Variants in GLRB observed in about 807,000 individuals in gnomAD.
The protein encoded by GLRB is glycine receptor beta.
In GLRB, 33 loss-of-function variants were observed where a neutral mutation model predicts 54.2. That is an observed-to-expected ratio of 0.61 (90% confidence interval 0.46 to 0.81). GLRB has a LOEUF of 0.81. Among genes scored for constraint, GLRB ranks in the 40% least tolerant of loss-of-function variants. The pLI is 0.00. For missense variants in GLRB, 572 were observed against 584.6 expected, an observed-to-expected ratio of 0.98 and a Z score of 0.22; for synonymous variants, 209 against 208.2, an observed-to-expected ratio of 1.00 and a Z score of -0.03.
In GLRB at chr4:157,136,462, TC is replaced by T. The variant is rs774738353; in HGVS notation, c.298-6del. On this transcript the variant is annotated splice_region_variant and splice_polypyrimidine_tract_variant and intron_variant, in intron 4 of 9. Coordinates refer to ENST00000264428, the MANE Select transcript of GLRB (RefSeq NM_000824.5). Reference sequence around the variant, plus strand: ...TACACATGTGCACGCATGTACTTTTTCTTCAGGACTATAGAGTTAACATCTT... The same window carrying T: ...TACACATGTGCACGCATGTACTTTTTTTCAGGACTATAGAGTTAACATCTT... 6.6e-5 allele frequency: 99 copies of T among 1,502,740 alleles called. No individual in the cohort carries two copies. The highest frequency in any genetic ancestry group is 8.7e-5 in the Non-Finnish European group (94 of 1,078,698). 93.1% of individuals were successfully genotyped at this position (1,502,740 alleles called of 1,614,324 possible).
intron 2 of GLRB, among the ~76,000 whole-genome samples, chr4:157,115,995 A>G (rs146646000): frequency 6.6e-6 from 1 of 151,836 alleles, no homozygotes; most frequent in East Asian, 2.0e-4. Flanking sequence ...AATACAATAT[A>G]CTCATCCACA....
At chr4:157,106,307 T>C (rs1055904374) in intron 2 of GLRB, among the ~76,000 whole-genome samples, 3 of 152,194 alleles carry the variant, frequency 2.0e-5, no homozygotes, top group African/African-American at 7.2e-5. Flanking sequence ...AAGTGGCTTT[T>C]AGCCTGATGC....
At chr4:157,132,581 C>T (rs1736257248) in intron 4 of GLRB, among the ~76,000 whole-genome samples, 1 of 151,768 alleles carries the variant, frequency 6.6e-6, no homozygotes, top group Non-Finnish European at 1.5e-5. Context: ...CATTTATTCT[C>T]TCAACAAGTA....
intron 2 of GLRB, among the ~76,000 whole-genome samples, chr4:157,078,463 A>T (rs1413083699): frequency 6.6e-6 from 1 of 151,938 alleles, no homozygotes; most frequent in Admixed American, 6.6e-5. Flanking sequence ...CTTTAATTGG[A>T]TACTGATATA....
At chr4:157,154,572 C>T (rs1737154575) in intron 9 of GLRB, among the ~76,000 whole-genome samples, 2 of 151,840 alleles carry the variant, frequency 1.3e-5, no homozygotes, top group Admixed American at 1.3e-4. Flanking sequence ...GGATTACAGG[C>T]ACCTGCCACC....
At chr4:157,108,303 C>T (rs1735296616) in intron 2 of GLRB, among the ~76,000 whole-genome samples, 1 of 152,032 alleles carries the variant, frequency 6.6e-6, no homozygotes, top group Non-Finnish European at 1.5e-5. Flanking sequence ...TAGTAATTCC[C>T]CTGATGGATC....
Position 157,171,717 on chromosome 4 carries a change from A to AT in GLRB, c.*996dup, listed in dbSNP as rs556022501. 5 of 152,140 alleles carry AT rather than the reference A, an allele frequency of 3.3e-5. No individual in the cohort carries two copies. Among genetic ancestry groups the AT allele is most frequent in the African/African-American group, 1.2e-4 (5 of 41,520 alleles). 9.4% of individuals were successfully genotyped at this position (152,140 alleles called of 1,614,324 possible). A position where few individuals can be genotyped will look rare whatever the true frequency, so the allele number is the denominator to read the frequency against. ...AAAATTAAAAATGTTTACTGAATTT[A>AT]TTTTTTTATTTGAATATTTTGGGAT... is the stretch of plus-strand genomic sequence containing the variant. On this transcript the variant is annotated 3_prime_UTR_variant, in exon 10 of 10. Transcript: ENST00000264428.
intron 4 of GLRB, among the ~76,000 whole-genome samples, chr4:157,131,166 G>A (rs1422066732): frequency 6.6e-6 from 1 of 151,700 alleles, no homozygotes; most frequent in East Asian, 1.9e-4. Context: ...CAGGCACTAA[G>A]GTGGGCTTGT....
At chr4:157,155,093 G>C (rs913079023) in intron 9 of GLRB, among the ~76,000 whole-genome samples, 3 of 151,982 alleles carry the variant, frequency 2.0e-5, no homozygotes, top group Non-Finnish European at 2.9e-5. Context: ...TATATTCCAA[G>C]GTTATATCTC....
intron 4 of GLRB, among the ~76,000 whole-genome samples, chr4:157,136,094 C>A (rs539238507): frequency 7.2e-4 from 109 of 152,110 alleles, no homozygotes; most frequent in African/African-American, 2.4e-3. Flanking sequence ...TATGTGTATA[C>A]TTGGACAAAA....
intron 2 of GLRB, among the ~76,000 whole-genome samples, chr4:157,082,812 G>T (rs1734270247): frequency 6.6e-6 from 1 of 152,044 alleles, no homozygotes. Flanking sequence ...ATCTTGAAGG[G>T]CTAAATGAGA....
At chr4:157,144,313 A>G (rs1736727989) in intron 8 of GLRB, among the ~76,000 whole-genome samples, 1 of 152,204 alleles carries the variant, frequency 6.6e-6, no homozygotes, top group Admixed American at 6.5e-5. Context: ...TTTCTGAAAA[A>G]TAGTATGTAT....
chr4:157,131,587 C>T (rs1736217625), intron 4 of GLRB, among the ~76,000 whole-genome samples: 1 of 151,708 alleles, frequency 6.6e-6, no homozygotes, highest in South Asian at 2.1e-4. Context: ...CTCTTTATCC[C>T]TTTCTCCTCT....
chr4:157,143,986 C>T, intron 8 of GLRB, 27 bp downstream of exon 8: 1 of 1,600,686 alleles, frequency 6.2e-7, no homozygotes, highest in Non-Finnish European at 8.6e-7. Flanking sequence ...TTTTTTGTCA[C>T]ATCAGGAACA....
intron 2 of GLRB, among the ~76,000 whole-genome samples, chr4:157,079,116 G>C (rs1463759044): frequency 6.6e-6 from 1 of 152,098 alleles, no homozygotes; most frequent in Non-Finnish European, 1.5e-5. Context: ...ACTGGTCAAT[G>C]AAAGTAAAAT....
At chr4:157,161,977 G>A (rs927810346) in intron 9 of GLRB, among the ~76,000 whole-genome samples, 4 of 152,158 alleles carry the variant, frequency 2.6e-5, no homozygotes, top group Non-Finnish European at 4.4e-5. Flanking sequence ...CCAGTCAGAC[G>A]TAGATTTGGT....
intron 9 of GLRB, among the ~76,000 whole-genome samples, chr4:157,156,551 C>T (rs142019130): frequency 1.0e-3 from 155 of 152,230 alleles, no homozygotes; most frequent in African/African-American, 3.3e-3. Context: ...TACCTGGTTG[C>T]CCTGGCTGGG....
intron 7 of GLRB, among the ~76,000 whole-genome samples, chr4:157,143,556 T>C (rs1174509825): frequency 6.6e-6 from 1 of 152,128 alleles, no homozygotes; most frequent in Admixed American, 6.5e-5. Context: ...ACTGACACAG[T>C]AGAGCAGCAT....
chr4:157,080,758 A>G (rs80320391), intron 2 of GLRB, among the ~76,000 whole-genome samples: 1,752 of 152,224 alleles, frequency 0.012, 8 homozygotes, highest in Non-Finnish European at 0.017. Flanking sequence ...AGGATGGTAA[A>G]ATTCTTGCCC....
Sources: gnomAD v4.1 joint callset for allele counts (sites outside exome capture counted in the v4.1 genomes callset) on GRCh38, gnomAD v4.1.1 for gene constraint, MANE v1.5 for transcripts, NCBI Gene and HGNC (gene_info 2026-07-23, HGNC 2026-07-21) for gene names.